Variants in KALRN observed in about 807,000 individuals in gnomAD.
KALRN encodes the protein kalirin RhoGEF kinase, also known as kalirin.
KALRN carries 70 observed loss-of-function variants against 353.7 expected under a neutral mutation model. The ratio of observed to expected loss-of-function variants is 0.20; its 90% CI spans 0.16 to 0.24. KALRN has a LOEUF of 0.24. Ranked by LOEUF, KALRN falls within the 10% of genes least tolerant of loss-of-function variation. KALRN has a pLI of 1.00. For synonymous variants in KALRN, 1,391 were observed against 1,434.8 expected, an observed-to-expected ratio of 0.97 and a Z score of 0.69; for missense variants, 2,791 against 3,756.7, an observed-to-expected ratio of 0.74 and a Z score of 6.72.
intron 10 of KALRN, among the ~76,000 whole-genome samples, chr3:124,370,674 A>T (rs1280924311): frequency 6.6e-6 from 1 of 152,226 alleles, no homozygotes; most frequent in Non-Finnish European, 1.5e-5. Context: ...CTTCAAAGAA[A>T]TACTTCAGGA....
intron 34 of KALRN, among the ~76,000 whole-genome samples, chr3:124,588,429 C>T (rs879459061): frequency 2.0e-5 from 3 of 151,996 alleles, no homozygotes; most frequent in Non-Finnish European, 2.9e-5. Flanking sequence ...GTTTTAGAGA[C>T]TTAATTTTGT....
At chr3:124,073,155 T>TGGCTTATACATCAGCCTTGTG (rs2060097372) in intron 1 of KALRN, among the ~76,000 whole-genome samples, 3 of 152,246 alleles carry the variant, frequency 2.0e-5, no homozygotes, top group Non-Finnish European at 4.4e-5. Context: ...ATGGAGTTTC[T>TGGCTTATACATCAGCCTTGTG]GGCTTATACA....
At chr3:124,044,371 A>G (rs2040233841) in intron 1 of KALRN, among the ~76,000 whole-genome samples, 1 of 152,174 alleles carries the variant, frequency 6.6e-6, no homozygotes, top group Non-Finnish European at 1.5e-5. Context: ...TTCCAGAATC[A>G]TAGAATCTTA....
At chr3:124,210,353 A>C (rs1460024069) in intron 1 of KALRN, among the ~76,000 whole-genome samples, 1 of 152,192 alleles carries the variant, frequency 6.6e-6, no homozygotes, top group African/African-American at 2.4e-5. Context: ...GTAATAGTTT[A>C]ATTGGCAGCA....
intron 1 of KALRN, among the ~76,000 whole-genome samples, chr3:124,058,093 T>C (rs1280978267): frequency 6.6e-6 from 1 of 152,110 alleles, no homozygotes; most frequent in Non-Finnish European, 1.5e-5. Flanking sequence ...CTCGTGAGAC[T>C]CATTCGCTAT....
chr3:124,314,108 C>T (rs2078561737), intron 6 of KALRN, among the ~76,000 whole-genome samples: 1 of 151,956 alleles, frequency 6.6e-6, no homozygotes, highest in African/African-American at 2.4e-5. Context: ...CCCAAATGTC[C>T]ATCAATGATA....
rs187019782 is a variant in KALRN, at chr3:124,357,070, T to C, written c.1770+9805T>C. ...CTTATTCCTGCATTCGTTATACCAG[T>C]GAAGGCCACCAACCACCCACTTGCT... is the stretch of plus-strand genomic sequence containing the variant. On this transcript the variant is annotated intron_variant, in intron 10 of 59. Transcript: ENST00000682506. 2.6e-5 allele frequency among the ~76,000 whole-genome samples: 4 copies of C among 152,362 alleles called. No homozygotes were observed. In the East Asian group the frequency reaches 7.7e-4, roughly 29 times the overall value.
At chr3:124,218,231 T>A (rs1387784305) in intron 1 of KALRN, among the ~76,000 whole-genome samples, 1 of 152,122 alleles carries the variant, frequency 6.6e-6, no homozygotes, top group Non-Finnish European at 1.5e-5. Flanking sequence ...ACTTTTCAAG[T>A]CAGCAATTTC....
At chr3:124,384,666 G>T in intron 10 of KALRN, 179 bp from the exon 11 acceptor site, 1 of 528,566 alleles carries the variant, frequency 1.9e-6, no homozygotes, top group East Asian at 3.1e-5. Flanking sequence ...GTGCCCGCCT[G>T]CAGGCTGCTC....
At chr3:124,540,867 T>C (rs1031905094) in intron 33 of KALRN, among the ~76,000 whole-genome samples, 1 of 152,238 alleles carries the variant, frequency 6.6e-6, no homozygotes, top group Admixed American at 6.5e-5. Flanking sequence ...CCTAGCTGCA[T>C]GCCAGTCAAC....
intron 5 of KALRN, among the ~76,000 whole-genome samples, chr3:124,273,154 C>T (rs1355365867): frequency 1.3e-5 from 2 of 152,192 alleles, no homozygotes; most frequent in Non-Finnish European, 2.9e-5. Flanking sequence ...TACCAGCTGG[C>T]CTTGGGGAGT....
At chr3:124,173,193 A>G (rs1402692290) in intron 1 of KALRN, among the ~76,000 whole-genome samples, 1 of 152,186 alleles carries the variant, frequency 6.6e-6, no homozygotes, top group Admixed American at 6.5e-5. Context: ...AATGGGGTGG[A>G]ATTGAGACAT....
intron 1 of KALRN, among the ~76,000 whole-genome samples, chr3:124,098,827 A>T (rs1012182202): frequency 1.3e-5 from 2 of 152,230 alleles, no homozygotes; most frequent in African/African-American, 4.8e-5. Context: ...TCAACTTAAT[A>T]TCAAGGAAAC....
chr3:124,658,204 G>A (rs1436121891), intron 41 of KALRN, among the ~76,000 whole-genome samples: 1 of 152,100 alleles, frequency 6.6e-6, no homozygotes. Context: ...TTCCTTGAGT[G>A]ACCTTCTTTC....
intron 51 of KALRN, among the ~76,000 whole-genome samples, chr3:124,684,270 C>G (rs1035968921): frequency 6.6e-6 from 1 of 152,146 alleles, no homozygotes; most frequent in African/African-American, 2.4e-5. Context: ...CATCCTGCGG[C>G]CACTTGGTAC....
chr3:124,435,520 A>G (rs958849497), intron 17 of KALRN, among the ~76,000 whole-genome samples: 6 of 152,360 alleles, frequency 3.9e-5, no homozygotes, highest in African/African-American at 1.2e-4. Context: ...TACTCAGTGT[A>G]TAGTAGTTTC....
intron 1 of KALRN, among the ~76,000 whole-genome samples, chr3:124,171,491 A>T (rs1328926741): frequency 6.6e-6 from 1 of 152,200 alleles, no homozygotes; most frequent in East Asian, 1.9e-4. Context: ...ACGAGAGCGG[A>T]AGCTGCAACA....
intron 33 of KALRN, among the ~76,000 whole-genome samples, chr3:124,545,522 T>G (rs1403000578): frequency 6.6e-6 from 1 of 152,220 alleles, no homozygotes; most frequent in Non-Finnish European, 1.5e-5. Context: ...GTAGGCAGTG[T>G]GGGAAGCTCA....
chr3:124,475,303 G>A (rs948000183), intron 26 of KALRN, among the ~76,000 whole-genome samples: 3 of 152,168 alleles, frequency 2.0e-5, no homozygotes, highest in African/African-American at 7.2e-5. Flanking sequence ...TGACCCACAA[G>A]ATGAGTGACT....
Sources: gnomAD v4.1 joint callset for allele counts (sites outside exome capture counted in the v4.1 genomes callset) on GRCh38, gnomAD v4.1.1 for gene constraint, MANE v1.5 for transcripts, NCBI Gene and HGNC (gene_info 2026-07-23, HGNC 2026-07-21) for gene names.